The following GALNTL6 variants were observed in gnomAD, a reference collection of about 807,000 sequenced individuals.
The protein encoded by GALNTL6 is polypeptide N-acetylgalactosaminyltransferase like 6.
A neutral mutation model predicts 73.7 loss-of-function variants in GALNTL6; 46 were observed. The ratio of observed to expected loss-of-function variants is 0.62; its 90% CI spans 0.49 to 0.80. The LOEUF is 0.80. GALNTL6 is among the 30% of genes least tolerant of loss of function. The pLI is 0.00. For missense variants in GALNTL6, 604 were observed against 755.0 expected, an observed-to-expected ratio of 0.80 and a Z score of 2.34; for synonymous variants, 259 against 263.7, an observed-to-expected ratio of 0.98 and a Z score of 0.17.
intron 10 of GALNTL6, among the ~76,000 whole-genome samples, chr4:172,971,480 A>C (rs561280943): frequency 6.6e-6 from 1 of 152,328 alleles, no homozygotes; most frequent in East Asian, 1.9e-4. Context: ...GAATATACAA[A>C]TTATATATAA....
intron 2 of GALNTL6, among the ~76,000 whole-genome samples, chr4:172,181,065 C>T (rs563934738): frequency 2.6e-5 from 4 of 152,068 alleles, no homozygotes; most frequent in Non-Finnish European, 5.9e-5. Context: ...TGACCATTTT[C>T]GTCATATTGT....
At chr4:172,949,662 C>A (rs1206324314) in intron 9 of GALNTL6, among the ~76,000 whole-genome samples, 1 of 152,014 alleles carries the variant, frequency 6.6e-6, no homozygotes, top group Non-Finnish European at 1.5e-5. Context: ...GTAATCCCAG[C>A]ACTTTGGGAG....
At position 172,501,051 on chromosome 4, in the gene GALNTL6, CAT is replaced by C. The variant is rs982195221; in HGVS notation, c.553+152363_553+152364del. On this transcript the variant is annotated intron_variant, in intron 5 of 12. Transcript: ENST00000506823. ...GTGACAGTAGTCACATGACTCTACA[CAT>C]GTGATAAAATTGGTAGAACTAAATA... Among the ~76,000 whole-genome samples the C allele has an allele frequency of 5.3e-5, 8 of 152,194 alleles. No homozygotes were observed. The South Asian group carries it at 1.0e-3, about 20-fold the overall frequency.
At chr4:172,342,202 G>T (rs891614052) in intron 4 of GALNTL6, among the ~76,000 whole-genome samples, 1 of 151,920 alleles carries the variant, frequency 6.6e-6, no homozygotes, top group African/African-American at 2.4e-5. Flanking sequence ...TCACAAAAAC[G>T]TTTGAGCTAA....
chr4:172,072,996 C>T (rs980013204), intron 2 of GALNTL6, among the ~76,000 whole-genome samples: 1 of 152,154 alleles, frequency 6.6e-6, no homozygotes, highest in Non-Finnish European at 1.5e-5. Flanking sequence ...CTAATTCTCA[C>T]TTATCGATTC....
intron 5 of GALNTL6, among the ~76,000 whole-genome samples, chr4:172,653,001 T>C (rs1345335888): frequency 3.3e-5 from 5 of 152,124 alleles, no homozygotes; most frequent in Admixed American, 3.3e-4. Flanking sequence ...ATCATCTCAG[T>C]TTCTGCCAGC....
intron 5 of GALNTL6, among the ~76,000 whole-genome samples, chr4:172,414,524 A>G (rs1487865047): frequency 6.6e-6 from 1 of 152,132 alleles, no homozygotes; most frequent in Non-Finnish European, 1.5e-5. Context: ...TGAATTTTCT[A>G]TCGTATTTCA....
intron 4 of GALNTL6, among the ~76,000 whole-genome samples, chr4:172,320,236 T>C (rs1194014690): frequency 6.6e-6 from 1 of 151,960 alleles, no homozygotes; most frequent in African/African-American, 2.4e-5. Flanking sequence ...TGTGATGTGG[T>C]GATTTCACGT....
intron 3 of GALNTL6, among the ~76,000 whole-genome samples, chr4:172,244,820 C>A (rs546575044): frequency 1.3e-5 from 2 of 152,304 alleles, no homozygotes; most frequent in East Asian, 3.9e-4. Context: ...ATTTATATTA[C>A]AAGAGAAACA....
chr4:172,576,133 CT>C (rs1384855363), intron 5 of GALNTL6, among the ~76,000 whole-genome samples: 1 of 152,036 alleles, frequency 6.6e-6, no homozygotes, highest in Non-Finnish European at 1.5e-5. Flanking sequence ...TGGTAGGTCC[CT>C]AAATTTTTAA....
At chr4:172,764,280 T>A (rs4695817) in intron 5 of GALNTL6, among the ~76,000 whole-genome samples, 73,024 of 152,090 alleles carry the variant, frequency 0.48, 18,376 homozygotes, top group African/African-American at 0.63. Context: ...TCTAACAAAT[T>A]GAGAGAAAAT....
chr4:171,862,932 A>G (rs1311746648), intron 2 of GALNTL6, among the ~76,000 whole-genome samples: 1 of 152,204 alleles, frequency 6.6e-6, no homozygotes, highest in Non-Finnish European at 1.5e-5. Flanking sequence ...AAAGTGATTG[A>G]TATTTTCAAA....
At chr4:171,909,762 A>G (rs1490415361) in intron 2 of GALNTL6, among the ~76,000 whole-genome samples, 1 of 152,180 alleles carries the variant, frequency 6.6e-6, no homozygotes, top group African/African-American at 2.4e-5. Flanking sequence ...CTTGTATTAT[A>G]TTAAAATGCT....
chr4:171,895,190 T>C, intron 2 of GALNTL6, among the ~76,000 whole-genome samples: 1 of 152,194 alleles, frequency 6.6e-6, no homozygotes, highest in Non-Finnish European at 1.5e-5. Context: ...GCTACTAGAA[T>C]TAAAAATATT....
At chr4:172,526,315 C>T (rs1438501457) in intron 5 of GALNTL6, among the ~76,000 whole-genome samples, 1 of 152,152 alleles carries the variant, frequency 6.6e-6, no homozygotes, top group Non-Finnish European at 1.5e-5. Flanking sequence ...CTCACTGGAG[C>T]TTCTTCTCTA....
intron 2 of GALNTL6, among the ~76,000 whole-genome samples, chr4:172,025,038 T>C (rs979159895): frequency 3.3e-5 from 5 of 151,964 alleles, no homozygotes; most frequent in African/African-American, 9.7e-5. Flanking sequence ...AGGCATTTAA[T>C]AAGGTGACCC....
chr4:172,660,902 TC>T (rs1317731916), intron 5 of GALNTL6, among the ~76,000 whole-genome samples: 19 of 152,300 alleles, frequency 1.2e-4, no homozygotes, highest in Middle Eastern at 6.8e-3. Context: ...TTAAATGAAC[TC>T]AAAGCACAAA....
At chr4:172,912,389 G>A (rs557054835) in intron 8 of GALNTL6, among the ~76,000 whole-genome samples, 12 of 152,294 alleles carry the variant, frequency 7.9e-5, no homozygotes, top group Non-Finnish European at 1.3e-4. Flanking sequence ...GGTGCAGCCC[G>A]TGGAGTGTGA....
chr4:172,463,772 AAAG>A (rs1482274977), intron 5 of GALNTL6, among the ~76,000 whole-genome samples: 4 of 152,234 alleles, frequency 2.6e-5, no homozygotes, highest in Non-Finnish European at 4.4e-5. Context: ...CTTTTCTGAA[AAAG>A]TACCCTTTTC....
Sources: gnomAD v4.1 joint callset for allele counts (sites outside exome capture counted in the v4.1 genomes callset) on GRCh38, gnomAD v4.1.1 for gene constraint, MANE v1.5 for transcripts, NCBI Gene and HGNC (gene_info 2026-07-23, HGNC 2026-07-21) for gene names.